SUCLA2: variants seen among roughly 807,000 people sequenced by gnomAD.
SUCLA2 encodes the protein succinate--CoA ligase [ADP-forming] subunit beta, mitochondrial.
SUCLA2 carries 30 observed loss-of-function variants against 54.8 expected under a neutral mutation model. The observed-to-expected ratio is 0.55, with a 90% confidence interval of 0.41 to 0.74. The LOEUF is 0.74. Ranked by LOEUF, SUCLA2 falls within the 30% of genes least tolerant of loss-of-function variation. SUCLA2 has a pLI of 0.00. For missense variants in SUCLA2, 476 were observed against 562.9 expected (o/e 0.85, Z 1.56); for synonymous variants, 172 against 188.9 (o/e 0.91, Z 0.74).
intron 1 of SUCLA2, among the ~76,000 whole-genome samples, chr13:48,000,311 GT>G (rs1950220445): frequency 6.6e-6 from 1 of 152,194 alleles, no homozygotes; most frequent in African/African-American, 2.4e-5. Context: ...TGTTTTCGAA[GT>G]TGTGGAGCCA....
chr13:47,978,269 T>A (rs1410755152), intron 4 of SUCLA2, among the ~76,000 whole-genome samples: 1 of 152,148 alleles, frequency 6.6e-6, no homozygotes. Context: ...CAAGCTATAC[T>A]ACAAGGCTAC....
intron 6 of SUCLA2, among the ~76,000 whole-genome samples, chr13:47,955,797 G>A (rs1949815990): frequency 6.6e-6 from 1 of 151,990 alleles, no homozygotes; most frequent in African/African-American, 2.4e-5. Context: ...TCACCTTTCA[G>A]TACCCTACCC....
chr13:47,968,866 G>T, intron 5 of SUCLA2, 133 bp from the exon 6 acceptor site: 1 of 1,038,534 alleles, frequency 9.6e-7, no homozygotes, highest in Non-Finnish European at 1.4e-6. Flanking sequence ...TACTGAAATA[G>T]CAGCTACCAT....
chr13:47,975,287 A>G (rs967695957), intron 4 of SUCLA2, among the ~76,000 whole-genome samples: 11 of 151,906 alleles, frequency 7.2e-5, no homozygotes, highest in Non-Finnish European at 1.2e-4. Context: ...CAGCCTCCCA[A>G]GTAGTTGGGA....
intron 6 of SUCLA2, among the ~76,000 whole-genome samples, 162 bp downstream of exon 6, chr13:47,968,433 T>C (rs558569629): frequency 6.6e-6 from 1 of 152,376 alleles, no homozygotes; most frequent in South Asian, 2.1e-4. Context: ...TTTGTTTTAA[T>C]GGGTTTAATA....
chr13:47,971,850 A>G (rs1659802992), intron 5 of SUCLA2: 4 of 398,508 alleles, frequency 1.0e-5, no homozygotes, highest in Non-Finnish European at 1.3e-5. Flanking sequence ...AAAAACAATG[A>G]ATAATAATCA....
intron 6 of SUCLA2, among the ~76,000 whole-genome samples, chr13:47,967,284 A>T (rs1949926786): frequency 6.6e-6 from 1 of 152,156 alleles, no homozygotes; most frequent in Non-Finnish European, 1.5e-5. Context: ...TAGTTTTACT[A>T]GAAAGCTTAA....
intron 4 of SUCLA2, among the ~76,000 whole-genome samples, chr13:47,985,212 C>T (rs920984728): frequency 2.6e-5 from 4 of 152,092 alleles, no homozygotes; most frequent in Non-Finnish European, 5.9e-5. Context: ...TTTAGTTTTG[C>T]TTTGCTTATT....
In SUCLA2 at chr13:47,943,403, G is replaced by A; in HGVS notation, c.1360C>T (p.His454Tyr). Residue 454 changes from histidine to tyrosine, a missense_variant, in exon 11 of 11, where the codon CAT becomes TAT. His to Tyr is a moderately conservative substitution (Grantham distance 83). Around this residue, in one of 2 missense-constraint regions of SUCLA2, gnomAD observed 342 missense variants for 444.2 expected, o/e 0.77. Transcript: ENST00000646932. ...GGCAACTGAAATTTCACATCCACATGTGCTTGCTTCGCTAAGGTCACTATT... is the reference window on the plus strand; with the variant it reads ...GGCAACTGAAATTTCACATCCACATATGCTTGCTTCGCTAAGGTCACTATT... The part of the protein sequence containing the change: ...SEIVTLAKQA[H>Y]VDVKFQLPI 1 of 1,613,892 alleles carries A rather than the reference G, an allele frequency of 6.2e-7. No individual in the cohort carries two copies.
chr13:47,998,305 A>G (rs999472908), intron 1 of SUCLA2, among the ~76,000 whole-genome samples: 10 of 151,550 alleles, frequency 6.6e-5, no homozygotes, highest in African/African-American at 2.4e-4. Flanking sequence ...TTAAAAAAAA[A>G]AAAAAAAAGA....
intron 2 of SUCLA2, among the ~76,000 whole-genome samples, chr13:47,989,253 C>T (rs1950131674): frequency 6.6e-6 from 1 of 151,674 alleles, no homozygotes; most frequent in Admixed American, 6.6e-5. Flanking sequence ...CTCTGTCGCC[C>T]AGGCTGGAGT....
At chr13:47,989,515 C>A (rs975796703) in intron 2 of SUCLA2, among the ~76,000 whole-genome samples, 1 of 151,104 alleles carries the variant, frequency 6.6e-6, no homozygotes. Flanking sequence ...GGATTACAGG[C>A]ATGAGCCACC....
intron 6 of SUCLA2, among the ~76,000 whole-genome samples, chr13:47,960,904 G>T (rs115543728): frequency 6.6e-6 from 1 of 152,132 alleles, no homozygotes; most frequent in Non-Finnish European, 1.5e-5. Flanking sequence ...GGATCACTGC[G>T]GAAGAGGTAG....
At chr13:47,960,417 A>G (rs1451323145) in intron 6 of SUCLA2, among the ~76,000 whole-genome samples, 2 of 152,156 alleles carry the variant, frequency 1.3e-5, no homozygotes, top group Non-Finnish European at 2.9e-5. Flanking sequence ...TTTCTGGCAC[A>G]CACACAAAAA....
chr13:47,958,737 A>C (rs1315745052), intron 6 of SUCLA2, among the ~76,000 whole-genome samples: 1 of 152,214 alleles, frequency 6.6e-6, no homozygotes, highest in Non-Finnish European at 1.5e-5. Context: ...TTATTGGTGA[A>C]AATGCCTATG....
chr13:48,000,307 C>A (rs1001790439), intron 1 of SUCLA2, among the ~76,000 whole-genome samples: 38 of 152,186 alleles, frequency 2.5e-4, no homozygotes, highest in Admixed American at 1.0e-3. Context: ...TGTTTGTTTT[C>A]GAAGTTGTGG....
chr13:47,963,947 G>C (rs138971728), intron 6 of SUCLA2, among the ~76,000 whole-genome samples: 1,871 of 152,276 alleles, frequency 0.012, 49 homozygotes, highest in African/African-American at 0.043. Flanking sequence ...AATGTAAAAG[G>C]CTTGCTCAAA....
At chr13:47,957,281 C>G (rs997566619) in intron 6 of SUCLA2, among the ~76,000 whole-genome samples, 1 of 152,194 alleles carries the variant, frequency 6.6e-6, no homozygotes, top group African/African-American at 2.4e-5. Context: ...CCGATTAAAG[C>G]CTTCTTCCTT....
intron 6 of SUCLA2, among the ~76,000 whole-genome samples, chr13:47,958,596 C>T (rs1949840752): frequency 1.3e-5 from 2 of 152,128 alleles, no homozygotes; most frequent in South Asian, 4.1e-4. Flanking sequence ...TTATATTTGT[C>T]TCTGGTAGGT....
Sources: gnomAD v4.1 joint callset for allele counts (sites outside exome capture counted in the v4.1 genomes callset) on GRCh38, gnomAD v4.1.1 for gene constraint, gnomAD v4.1.1 regional missense constraint, MANE v1.5 for transcripts, NCBI Gene and HGNC (gene_info 2026-07-23, HGNC 2026-07-21) for gene names.